CHST15: variants seen among roughly 807,000 people sequenced by gnomAD.
CHST15 encodes B cell RAG associated protein (GALNAC4S-6ST).
CHST15 carries 30 observed loss-of-function variants against 53.6 expected under a neutral mutation model. The observed-to-expected ratio is 0.56, with a 90% CI of 0.42 to 0.76. The LOEUF is 0.76. Ranked by LOEUF, CHST15 falls within the 30% of genes least tolerant of loss-of-function variation. The pLI is 0.00. For synonymous variants in CHST15, 296 were observed against 289.8 expected (o/e 1.02, Z -0.22); for missense variants, 627 against 740.5 (o/e 0.85, Z 1.78).
At chr10:124,075,090 G>A (rs77330887) in intron 1 of CHST15, among the ~76,000 whole-genome samples, 4,177 of 152,350 alleles carry the variant, frequency 0.027, 186 homozygotes, top group African/African-American at 0.095. Flanking sequence ...ATACTGTGAA[G>A]TTTTTTCCTA....
At chr10:124,070,874 G>C (rs1292924133) in intron 1 of CHST15, among the ~76,000 whole-genome samples, 1 of 152,168 alleles carries the variant, frequency 6.6e-6, no homozygotes, top group Non-Finnish European at 1.5e-5. Context: ...CCACTACCAG[G>C]CTCACCTGCG....
At chr10:124,060,225 C>T (rs1948515422) in intron 1 of CHST15, among the ~76,000 whole-genome samples, 1 of 151,342 alleles carries the variant, frequency 6.6e-6, no homozygotes, top group Admixed American at 6.6e-5. Flanking sequence ...TGGTCTTCCC[C>T]AGGAGTGTTT....
intron 7 of CHST15, chr10:124,010,971 C>T: frequency 1.0e-6 from 1 of 985,326 alleles, no homozygotes; most frequent in Non-Finnish European, 1.2e-6. Flanking sequence ...CACGCCCCGC[C>T]CTCTGGAGTG....
rs570371342 is a variant in CHST15, at chr10:124,032,492, G to A, written c.1190+6023C>T. 3.4e-4 allele frequency among the ~76,000 whole-genome samples: 52 copies of A among 152,288 alleles called. 1 individual carries two copies. In the South Asian group the frequency reaches 0.011, roughly 32 times the overall value. ...CACGCATTTTTCACATTTAACGGGGGCTATAACTGCCTCTGAATTAAGAGA... is the reference window on the plus strand; with the variant it reads ...CACGCATTTTTCACATTTAACGGGGACTATAACTGCCTCTGAATTAAGAGA... On this transcript the variant is annotated intron_variant, in intron 5 of 7. Coordinates refer to ENST00000435907, the MANE Select transcript of CHST15 (RefSeq NM_001270764.2).
At chr10:124,076,435 TCAG>T (rs1324669062) in intron 1 of CHST15, among the ~76,000 whole-genome samples, 2 of 152,206 alleles carry the variant, frequency 1.3e-5, no homozygotes, top group Non-Finnish European at 2.9e-5. Context: ...GTTAGTTGAT[TCAG>T]CTCAACGGGC....
chr10:124,018,739 C>G (rs935939503), intron 6 of CHST15, among the ~76,000 whole-genome samples: 1 of 152,128 alleles, frequency 6.6e-6, no homozygotes, highest in African/African-American at 2.4e-5. Flanking sequence ...TAGAAAGATG[C>G]CTGGTGCAAC....
chr10:124,040,231 C>T (rs1012604436), intron 4 of CHST15, among the ~76,000 whole-genome samples: 1 of 152,190 alleles, frequency 6.6e-6, no homozygotes, highest in Non-Finnish European at 1.5e-5. Flanking sequence ...TCCATCCAGC[C>T]ACCATCCATC....
At chr10:124,057,692 G>A (rs181912569) in intron 1 of CHST15, among the ~76,000 whole-genome samples, 48 of 152,314 alleles carry the variant, frequency 3.2e-4, no homozygotes, top group African/African-American at 1.1e-3. Flanking sequence ...AACTAGCTCT[G>A]CTCCAGGAAG....
At chr10:124,029,248 G>A (rs988551993) in intron 5 of CHST15, among the ~76,000 whole-genome samples, 2 of 152,218 alleles carry the variant, frequency 1.3e-5, no homozygotes, top group Admixed American at 6.5e-5. Context: ...AACTGTGACT[G>A]TCTCATCAGG....
chr10:124,082,320 C>T (rs974905149), intron 1 of CHST15, among the ~76,000 whole-genome samples: 18 of 152,298 alleles, frequency 1.2e-4, no homozygotes, highest in African/African-American at 4.1e-4. Flanking sequence ...AACCGGTATT[C>T]AATCCTGTCT....
At position 124,009,744 on chromosome 10, in the gene CHST15, GC is replaced by G; in HGVS notation, c.*404del. The stretch of plus-strand genomic sequence containing the variant: ...AAGGGAACGTGAAGTGTAAGTTCCA[GC>G]CAGGCCTGTGGCATGACCTCTGGCT... On this transcript the variant is annotated 3_prime_UTR_variant, in exon 8 of 8. Transcript: ENST00000435907. 2 of 1,040,966 alleles carry G rather than the reference GC, an allele frequency of 1.9e-6. No individual in the cohort carries two copies. The highest frequency in any genetic ancestry group is 2.3e-6 in the Non-Finnish European group (2 of 863,214). The allele number at this position is 1,040,966 out of a possible 1,614,324, so 64.5% of individuals were successfully genotyped here.
At chr10:124,048,862 A>G (rs1022448089) in intron 1 of CHST15, among the ~76,000 whole-genome samples, 1 of 152,210 alleles carries the variant, frequency 6.6e-6, no homozygotes, top group East Asian at 1.9e-4. Context: ...AAACATTCCT[A>G]AACAAGGGCA....
chr10:124,036,928 T>C lies in CHST15; in HGVS notation c.1190+1587A>G, dbSNP rs146694810. 4.5e-3 allele frequency among the ~76,000 whole-genome samples: 678 copies of C among 152,262 alleles called. 9 individuals are homozygous for C. The highest frequency in any genetic ancestry group is 0.016 in the African/African-American group (649 of 41,548). On this transcript the variant is annotated intron_variant, in intron 5 of 7. Transcript: ENST00000435907. The surrounding 1 kb of genome is among the most constrained non-coding windows in gnomAD (Gnocchi z 5.1). Reference sequence around the variant, plus strand: ...ATCACCACGAACTCGTGGTGCGTAATGACAGGACTTTCTTCCCTCAGTGTC... The same window carrying C: ...ATCACCACGAACTCGTGGTGCGTAACGACAGGACTTTCTTCCCTCAGTGTC...
At chr10:124,084,496 T>C (rs1024591865) in intron 1 of CHST15, among the ~76,000 whole-genome samples, 4 of 75,260 alleles carry the variant, frequency 5.3e-5, no homozygotes, top group Non-Finnish European at 8.1e-5. Context: ...CAGCTCCTGC[T>C]GCCCATCAAG....
At chr10:124,016,784 C>T (rs1946600287) in intron 6 of CHST15, among the ~76,000 whole-genome samples, 1 of 152,166 alleles carries the variant, frequency 6.6e-6, no homozygotes, top group Admixed American at 6.5e-5. Flanking sequence ...ATTGAAAGGG[C>T]TTGGGACAGG....
chr10:124,044,154 A>ACGGCACAGAGCTTGGGAG (rs1307777348), intron 3 of CHST15, among the ~76,000 whole-genome samples: 1,504 of 149,460 alleles, frequency 0.01, 34 homozygotes, highest in African/African-American at 0.035. Flanking sequence ...AGAGCAGGAA[A>ACGGCACAGAGCTTGGGAG]CGGCACAGAG....
In CHST15 at chr10:124,010,255, G is replaced by A. The variant is rs982427414; in HGVS notation, c.1580C>T (p.Pro527Leu). ...ARRPEDRNLG[P>L]MWPITQKILR... ...AATCTTCTGTGTGATGGGCCACATG[G>A]GCCCCAGGTTCCGGTCCTCGGGACG... The change falls in exon 8 of 8, where the codon CCC (proline) becomes CTC (leucine). Residue 527 changes from proline to leucine, a missense_variant. This residue lies in a region of CHST15 where 279 missense variants were observed against 371.6 expected (regional missense o/e 0.75). Coordinates refer to ENST00000435907, the MANE Select transcript of CHST15 (RefSeq NM_001270764.2). 1 of 1,614,092 alleles carries A rather than the reference G, an allele frequency of 6.2e-7. No individual in the cohort carries two copies. The highest frequency in any genetic ancestry group is 8.5e-7 in the Non-Finnish European group (1 of 1,180,004).
At position 124,089,391 on chromosome 10, in the gene CHST15, C is replaced by G. The variant is rs371032154; in HGVS notation, c.-513+4078G>C. Among the ~76,000 whole-genome samples, 3 of 152,142 alleles carry G rather than the reference C, an allele frequency of 2.0e-5. No homozygotes were observed. The East Asian group carries it at 5.8e-4, about 29-fold the overall frequency. On this transcript the variant is annotated intron_variant, in intron 1 of 7. Coordinates refer to ENST00000435907, the MANE Select transcript of CHST15 (RefSeq NM_001270764.2). ...TCTGCAATCCTGGGCCTGCTGAGGC[C>G]CTAGGAACGGGGACAGGGCCTGAAC...
chr10:124,011,861 T>C (rs4601701), intron 7 of CHST15: 608,180 of 985,022 alleles, frequency 0.62, 189,104 homozygotes, highest in East Asian at 0.92. Flanking sequence ...TTCCCTCCTC[T>C]AAGCCCCAAG....
Sources: allele counts gnomAD v4.1 joint callset (sites outside exome capture counted in the v4.1 genomes callset), GRCh38; gene constraint gnomAD v4.1.1; regional missense constraint gnomAD v4.1.1; non-coding constraint Gnocchi (gnomAD v3.1); transcripts MANE v1.5; gene names NCBI Gene and HGNC (gene_info 2026-07-23, HGNC 2026-07-21).